Variants in IL20RA observed in about 807,000 individuals in gnomAD.
The protein encoded by IL20RA is interleukin 20 receptor subunit alpha, also known as interleukin-20 receptor subunit alpha.
Under a neutral mutation model 36.5 loss-of-function variants are expected in IL20RA, and 29 were observed. The ratio of observed to expected loss-of-function variants is 0.79; its 90% CI spans 0.59 to 1.08. The LOEUF (loss-of-function observed/expected upper bound fraction) is 1.08, where lower values mean the gene tolerates loss of function less well. Ranked by LOEUF, IL20RA falls within the 50% of genes least tolerant of loss-of-function variation. The probability of loss-of-function intolerance (pLI) is 0.00; values close to 1 mark genes in which losing one functional copy is unlikely to be tolerated. For synonymous variants in IL20RA, 279 were observed against 267.1 expected, an observed-to-expected ratio of 1.04 and a Z score of -0.43; for missense variants, 652 against 668.4, an observed-to-expected ratio of 0.98 and a Z score of 0.27.
intron 1 of IL20RA, among the ~76,000 whole-genome samples, chr6:137,029,712 T>TG (rs1489100562): frequency 1.3e-5 from 2 of 152,122 alleles, no homozygotes; most frequent in African/African-American, 4.8e-5. Flanking sequence ...AAAGACAAAC[T>TG]GTTTGGGACC....
Position 137,020,391 on chromosome 6 carries a change from T to C in IL20RA, c.89-3288A>G, listed in dbSNP as rs115592558. Among the ~76,000 whole-genome samples, 808 of 152,166 alleles carry C rather than the reference T, an allele frequency of 5.3e-3. 6 individuals carry two copies. Among genetic ancestry groups the C allele is most frequent in the African/African-American group, 0.018 (753 of 41,508 alleles). On this transcript the variant is annotated intron_variant, in intron 1 of 6. Transcript: ENST00000316649. Reference sequence around the variant, plus strand: ...AATATGTGAGATAATATTTGTTGTTTAAAGCTATTAAGTGTAAGGTAATTT... The same window carrying C: ...AATATGTGAGATAATATTTGTTGTTCAAAGCTATTAAGTGTAAGGTAATTT...
chr6:137,039,199 C>T (rs1776591089), intron 1 of IL20RA, among the ~76,000 whole-genome samples: 1 of 152,216 alleles, frequency 6.6e-6, no homozygotes, highest in African/African-American at 2.4e-5. Context: ...GGCTGCTCTC[C>T]AGGTCGCAAA....
chr6:137,017,103 A>T lies in IL20RA; in HGVS notation c.89T>A (p.Val30Asp), dbSNP rs1402804178. The T allele has an allele frequency of 4.3e-6, 7 of 1,612,294 alleles. No individual in the cohort carries two copies. The highest frequency in any genetic ancestry group is 5.9e-6 in the Non-Finnish European group (7 of 1,179,334). The change falls in exon 2 of 7, where the codon GTT (valine) becomes GAT (aspartate). Residue 30 changes from valine (V) to aspartate (D), a missense_variant and splice_region_variant. Transcript: ENST00000316649. ...AGGCAAACCACCAGAGACACAGGGA[A>T]CTGAAAAAGGAGCAGAAAGGAATTG... ...LLLAAPWGRA[V>D]PCVSGGLPKP... is the part of the protein sequence containing the mutation.
intron 1 of IL20RA, among the ~76,000 whole-genome samples, chr6:137,024,004 G>GAATT (rs1261255326): frequency 6.6e-6 from 1 of 152,188 alleles, no homozygotes; most frequent in Non-Finnish European, 1.5e-5. Flanking sequence ...TGAGGCAGAA[G>GAATT]AATTGCTTGA....
Position 137,001,781 on chromosome 6 carries a change from A to G in IL20RA, c.1439T>C (p.Val480Ala). ...GPEEEPSTTL[V>A]DWDPQTGRLC... ...CCTGCCAGTTTGGGGATCCCAGTCG[A>G]CCAGGGTCGTCGATGGCTCTTCCTC... The change falls in exon 7 of 7, where the codon GTC becomes GCC. Residue 480 changes from valine (V) to alanine (A), a missense_variant. Coordinates refer to ENST00000316649, the MANE Select transcript of IL20RA (RefSeq NM_014432.4). 1 of 1,612,862 alleles carries G rather than the reference A, an allele frequency of 6.2e-7. No homozygotes were observed. The highest frequency in any genetic ancestry group is 8.5e-7 in the Non-Finnish European group (1 of 1,179,122).
chr6:137,016,366 G>A (rs1351180865), intron 2 of IL20RA, among the ~76,000 whole-genome samples: 1 of 152,196 alleles, frequency 6.6e-6, no homozygotes, highest in African/African-American at 2.4e-5. Flanking sequence ...ATCATTTCCT[G>A]TGGTTGGAGC....
chr6:137,044,851 C>A lies in IL20RA; in HGVS notation c.-123G>T. 1.3e-5 allele frequency: 12 copies of A among 932,352 alleles called. No individual in the cohort carries two copies. Among genetic ancestry groups the A allele is most frequent in the Non-Finnish European group, 1.7e-5 (12 of 726,724 alleles). The allele number at this position is 932,352 out of a possible 1,614,324, so 57.8% of individuals were successfully genotyped here. A position where few individuals can be genotyped will look rare whatever the true frequency, so the allele number is the denominator to read the frequency against. ...GGGGCTCTGCGTGCCACGCTCCAGGCGACCTGAGTCCCAGGGCGCCTCCGC... is the reference window on the plus strand; with the variant it reads ...GGGGCTCTGCGTGCCACGCTCCAGGAGACCTGAGTCCCAGGGCGCCTCCGC... On this transcript the variant is annotated 5_prime_UTR_variant, in exon 1 of 7. Transcript: ENST00000316649.
Position 137,002,223 on chromosome 6 carries a change from T to G in IL20RA, c.997A>C (p.Ser333Arg). The G allele has an allele frequency of 6.2e-7, 1 of 1,614,022 alleles. No individual in the cohort carries two copies. The highest frequency in any genetic ancestry group is 1.6e-4 in the Middle Eastern group (1 of 6,062). Residue 333 changes from serine (S) to arginine (R), a missense_variant, in exon 7 of 7, where the codon AGC becomes CGC. Transcript: ENST00000316649. ...TCATTAAGGCTGGATACATCACTGC[T>G]TTTTCCCAGTAAACTCATATCCTGA... is the stretch of plus-strand genomic sequence containing the variant. ...SHQDMSLLGKSSDVSSLNDPQ... is the reference protein window; with the variant it reads ...SHQDMSLLGKRSDVSSLNDPQ...
chr6:137,039,968 G>A (rs9389458), intron 1 of IL20RA, among the ~76,000 whole-genome samples: 10,310 of 152,122 alleles, frequency 0.068, 707 homozygotes, highest in East Asian at 0.35. Context: ...GAAAAAAAAG[G>A]ACTAAGCCAG....
At chr6:137,036,419 G>A (rs1435781680) in intron 1 of IL20RA, among the ~76,000 whole-genome samples, 2 of 152,166 alleles carry the variant, frequency 1.3e-5, no homozygotes, top group Non-Finnish European at 2.9e-5. Flanking sequence ...TTAAAGAGAT[G>A]AGCAAGTTAC....
At chr6:137,037,613 T>C (rs1382325882) in intron 1 of IL20RA, among the ~76,000 whole-genome samples, 5 of 152,128 alleles carry the variant, frequency 3.3e-5, no homozygotes, top group Non-Finnish European at 5.9e-5. Flanking sequence ...TGCTGAATCA[T>C]TGGAGGGTAA....
At chr6:137,036,061 T>C (rs1776480127) in intron 1 of IL20RA, among the ~76,000 whole-genome samples, 1 of 152,190 alleles carries the variant, frequency 6.6e-6, no homozygotes, top group Non-Finnish European at 1.5e-5. Context: ...CTTTATTAAG[T>C]ACCCATTGAC....
intron 2 of IL20RA, among the ~76,000 whole-genome samples, chr6:137,014,531 G>C (rs2115383168): frequency 6.6e-6 from 1 of 152,262 alleles, no homozygotes; most frequent in Non-Finnish European, 1.5e-5. Context: ...AGAAACTACA[G>C]AAGTGCAAAT....
intron 2 of IL20RA, among the ~76,000 whole-genome samples, chr6:137,013,172 T>A (rs1036206322): frequency 6.6e-6 from 1 of 152,200 alleles, no homozygotes; most frequent in Admixed American, 6.5e-5. Context: ...TTAAAAATAA[T>A]ATCCCTCAAC....
chr6:137,012,209 C>T (rs1231194290), intron 2 of IL20RA, among the ~76,000 whole-genome samples: 1 of 152,022 alleles, frequency 6.6e-6, no homozygotes, highest in African/African-American at 2.4e-5. Flanking sequence ...GAGGACACTA[C>T]AGTGGTCCAG....
chr6:137,018,757 T>C (rs999502657), intron 1 of IL20RA, among the ~76,000 whole-genome samples: 41 of 152,152 alleles, frequency 2.7e-4, no homozygotes, highest in African/African-American at 9.7e-4. Flanking sequence ...AAATAGAACA[T>C]GAGGAGGCAG....
At chr6:137,021,640 C>CCTGTTGCA (rs1218184822) in intron 1 of IL20RA, among the ~76,000 whole-genome samples, 1 of 152,090 alleles carries the variant, frequency 6.6e-6, no homozygotes, top group African/African-American at 2.4e-5. Context: ...TGCACTCCAG[C>CCTGTTGCA]CTGGGCAACA....
rs138149846 is a variant in IL20RA at position 137,028,612 on chromosome 6, T to C, written c.89-11509A>G. Among the ~76,000 whole-genome samples the C allele has an allele frequency of 2.9e-3, 443 of 152,298 alleles. 3 individuals are homozygous for C. The highest frequency in any genetic ancestry group is 0.01 in the African/African-American group (419 of 41,564). On this transcript the variant is annotated intron_variant, in intron 1 of 6. Transcript: ENST00000316649. ...GGCCACACCTCAGTAAGTAAATCTATGTGCTTAAACATGTTTTTTTAGTAT... is the reference window on the plus strand; with the variant it reads ...GGCCACACCTCAGTAAGTAAATCTACGTGCTTAAACATGTTTTTTTAGTAT...
intron 5 of IL20RA, among the ~76,000 whole-genome samples, chr6:137,006,722 C>A (rs1562229486): frequency 1.4e-5 from 2 of 144,020 alleles, no homozygotes; most frequent in African/African-American, 5.1e-5. Flanking sequence ...GTTAATTTTT[C>A]TTTCTTTTTT....
Sources: allele counts gnomAD v4.1 joint callset (sites outside exome capture counted in the v4.1 genomes callset), GRCh38; gene constraint gnomAD v4.1.1; transcripts MANE v1.5; gene names NCBI Gene and HGNC (gene_info 2026-07-23, HGNC 2026-07-21).